FNTB: variants seen among roughly 807,000 people sequenced by gnomAD.
FNTB encodes the protein protein farnesyltransferase subunit beta.
A neutral mutation model predicts 59.4 loss-of-function variants in FNTB; 27 were observed. That is an observed-to-expected ratio of 0.45 (90% CI 0.34 to 0.63). The LOEUF is 0.63. FNTB is among the 20% of genes least tolerant of loss of function. The probability of loss-of-function intolerance (pLI) is 0.02; values close to 1 mark genes in which losing one functional copy is unlikely to be tolerated. For synonymous variants in FNTB, 230 were observed against 220.7 expected (o/e 1.04, Z -0.37); for missense variants, 449 against 559.6 (o/e 0.80, Z 1.99).
intron 1 of FNTB, among the ~76,000 whole-genome samples, chr14:64,993,441 T>A (rs1396120405): frequency 6.6e-6 from 1 of 152,238 alleles, no homozygotes; most frequent in Non-Finnish European, 1.5e-5. Context: ...GGGTATTGTG[T>A]CATCCCCAGC....
At position 65,001,145 on chromosome 14, in the gene FNTB, G is replaced by A. The variant is rs1188861913; in HGVS notation, c.145-3104G>A. ...TGCTCTGAGCTATTTTTCTTTTCTCGATTGCAGTTACATTGTACTAGGAGG... is the reference window on the plus strand; with the variant it reads ...TGCTCTGAGCTATTTTTCTTTTCTCAATTGCAGTTACATTGTACTAGGAGG... On this transcript the variant is annotated intron_variant, in intron 1 of 11. Transcript: ENST00000246166. This position sits in a 1 kb window ranked among gnomAD's most constrained non-coding sequence, Gnocchi z 5.5. 6.6e-6 allele frequency among the ~76,000 whole-genome samples: 1 copy of A among 151,998 alleles called. No homozygotes were observed. Among genetic ancestry groups the A allele is most frequent in the Admixed American group, 6.6e-5 (1 of 15,252 alleles).
chr14:65,000,384 G>A (rs867588279), intron 1 of FNTB, among the ~76,000 whole-genome samples: 12 of 152,138 alleles, frequency 7.9e-5, no homozygotes, highest in Non-Finnish European at 1.8e-4. Context: ...AATCTAAAAG[G>A]AAGAAGCTCA....
chr14:65,050,417 C>G (rs2062580009), intron 9 of FNTB, among the ~76,000 whole-genome samples: 1 of 152,088 alleles, frequency 6.6e-6, no homozygotes, highest in African/African-American at 2.4e-5. Flanking sequence ...ATAGTGAAAC[C>G]CTGTCTCTAC....
rs1566586645 is a variant in FNTB at position 65,062,172 on chromosome 14, T to G, written c.*860T>G. 6.6e-6 allele frequency: 1 copy of G among 152,462 alleles called. No homozygotes were observed. The highest frequency in any genetic ancestry group is 1.5e-5 in the Non-Finnish European group (1 of 68,210). 9.4% of individuals were successfully genotyped at this position (152,462 alleles called of 1,614,324 possible). On this transcript the variant is annotated 3_prime_UTR_variant, in exon 12 of 12. Transcript: ENST00000246166. This position sits in a 1 kb window ranked among gnomAD's most constrained non-coding sequence, Gnocchi z 4.3. Reference sequence around the variant, plus strand: ...CGAGGCCCTTCTGGGGGTTTCTATCTTTCTTCCACCAGACTCCAAGCCCAC... The same window carrying G: ...CGAGGCCCTTCTGGGGGTTTCTATCGTTCTTCCACCAGACTCCAAGCCCAC...
At chr14:65,013,953 C>T (rs1055819200) in intron 3 of FNTB, among the ~76,000 whole-genome samples, 4 of 152,188 alleles carry the variant, frequency 2.6e-5, no homozygotes, top group Non-Finnish European at 5.9e-5. Context: ...CTCAAAGGCA[C>T]ATAGCGAGTA....
chr14:64,996,609 C>T (rs1465505168), intron 1 of FNTB, among the ~76,000 whole-genome samples: 1 of 152,132 alleles, frequency 6.6e-6, no homozygotes, highest in East Asian at 1.9e-4. Context: ...ATGTTGTGGC[C>T]TGCCTATCTA....
chr14:65,041,127 G>T (rs1324636007), intron 8 of FNTB, among the ~76,000 whole-genome samples: 2 of 152,174 alleles, frequency 1.3e-5, no homozygotes, highest in African/African-American at 4.8e-5. Context: ...TTTACATAGT[G>T]TGTAGACTAC....
At position 65,021,794 on chromosome 14, in the gene FNTB, T is replaced by G. The variant is rs566365940; in HGVS notation, c.375-5659T>G. Among the ~76,000 whole-genome samples, 3 of 152,292 alleles carry G rather than the reference T, an allele frequency of 2.0e-5. No homozygotes were observed. In the East Asian group the frequency reaches 5.8e-4, roughly 29 times the overall value. On this transcript the variant is annotated intron_variant, in intron 4 of 11. Transcript: ENST00000246166. ...CCAAGCAGCTGGGACTACGGGCGCA[T>G]GCCACTATGCCTGGCTAATTTTTGT...
chr14:65,032,801 A>C lies in FNTB; in HGVS notation c.692+105A>C. On this transcript the variant is annotated intron_variant, in intron 7 of 11. Transcript: ENST00000246166. This position sits in a 1 kb window ranked among gnomAD's most constrained non-coding sequence, Gnocchi z 5.0. ...AGAGGGACTTGGAAGGAAATACAAA[A>C]ATCACAGGAGATCCATTAGGGTTAT... The C allele has an allele frequency of 9.2e-7, 1 of 1,088,222 alleles. No homozygotes were observed. The highest frequency in any genetic ancestry group is 1.3e-6 in the Non-Finnish European group (1 of 778,258). The allele number at this position is 1,088,222 out of a possible 1,614,324, so 67.4% of individuals were successfully genotyped here.
chr14:65,016,336 T>G (rs913550524), intron 4 of FNTB, among the ~76,000 whole-genome samples: 9 of 152,186 alleles, frequency 5.9e-5, no homozygotes, highest in Non-Finnish European at 1.3e-4. Context: ...CATCACCATT[T>G]ATATATTAAA....
intron 2 of FNTB, among the ~76,000 whole-genome samples, chr14:65,005,529 TTC>T (rs2061573545): frequency 7.1e-6 from 1 of 141,658 alleles, no homozygotes; most frequent in African/African-American, 2.6e-5. Flanking sequence ...CTCTTTCTCT[TTC>T]TCTTTCTTTC....
chr14:64,996,766 C>CTT (rs34327825), intron 1 of FNTB, among the ~76,000 whole-genome samples: 2,824 of 94,244 alleles, frequency 0.03, 60 homozygotes, highest in Non-Finnish European at 0.046. Flanking sequence ...TTGCTAACAT[C>CTT]TTTTTTTTTT....
At chr14:64,998,688 T>A (rs1888493953) in intron 1 of FNTB, among the ~76,000 whole-genome samples, 1 of 152,246 alleles carries the variant, frequency 6.6e-6, no homozygotes, top group Admixed American at 6.5e-5. Context: ...TTTGACAGTG[T>A]TCACAAATGT....
Position 64,987,277 on chromosome 14 carries a change from C to A in FNTB, c.144+180C>A, listed in dbSNP as rs145335579. ...CTTGGGCTTCGTCGTGGAGCGTTTG[C>A]GCGGCCAGCTTGGGGAAGGGTCGTT... On this transcript the variant is annotated intron_variant, in intron 1 of 11. Coordinates refer to ENST00000246166, the MANE Select transcript of FNTB (RefSeq NM_002028.4). 3,417 of 687,204 alleles carry A rather than the reference C, an allele frequency of 5.0e-3. 14 individuals carry two copies. Among genetic ancestry groups the A allele is most frequent in the Non-Finnish European group, 7.3e-3 (3,013 of 414,374 alleles). 42.6% of individuals were successfully genotyped at this position (687,204 alleles called of 1,614,324 possible). A position where few individuals can be genotyped will look rare whatever the true frequency, so the allele number is the denominator to read the frequency against.
Position 65,054,824 on chromosome 14 carries a change from T to C in FNTB, c.1182+135T>C. ...CTTGTGGTCCCTCTGCCCTTCGAGC[T>C]GTGCAGCCGTTAGTGAGGATGTGAC... On this transcript the variant is annotated intron_variant, in intron 11 of 11. Coordinates refer to ENST00000246166, the MANE Select transcript of FNTB (RefSeq NM_002028.4). The surrounding 1 kb of genome is among the most constrained non-coding windows in gnomAD (Gnocchi z 4.4). 2.1e-6 allele frequency: 2 copies of C among 972,846 alleles called. No individual in the cohort carries two copies. Among genetic ancestry groups the C allele is most frequent in the Non-Finnish European group, 3.0e-6 (2 of 661,112 alleles). 60.3% of individuals were successfully genotyped at this position (972,846 alleles called of 1,614,324 possible).
chr14:65,021,890 C>T, intron 4 of FNTB: 1 of 455,510 alleles, frequency 2.2e-6, no homozygotes, highest in South Asian at 1.5e-5. Flanking sequence ...AAGTGATCCG[C>T]CCACGTCGGC....
chr14:65,015,649 C>A lies in FNTB; in HGVS notation c.307C>A (p.Leu103Ile), dbSNP rs1224538583. The A allele has an allele frequency of 6.2e-7, 1 of 1,614,132 alleles. No individual in the cohort carries two copies. Among genetic ancestry groups the A allele is most frequent in the East Asian group, 2.2e-5 (1 of 44,872 alleles). Residue 103 changes from leucine (L) to isoleucine (I), a missense_variant, in exon 4 of 12, where the codon CTC becomes ATC. By Grantham distance (5) the Leu-to-Ile change is conservative (BLOSUM62 2). This residue lies in a region of FNTB where 337 missense variants were observed against 479.1 expected (regional missense o/e 0.70). Coordinates refer to ENST00000246166, the MANE Select transcript of FNTB (RefSeq NM_002028.4). Reference sequence around the variant, plus strand: ...GTGTCTGGATGCCAGCCGCCCATGGCTCTGCTATTGGATCCTGCACAGCTT... The same window carrying A: ...GTGTCTGGATGCCAGCCGCCCATGGATCTGCTATTGGATCCTGCACAGCTT... ...YECLDASRPW[L>I]CYWILHSLEL...
chr14:65,004,862 C>T (rs1386359281), intron 2 of FNTB, among the ~76,000 whole-genome samples: 4 of 152,024 alleles, frequency 2.6e-5, no homozygotes, highest in Non-Finnish European at 5.9e-5. Flanking sequence ...AGGGTTTCAC[C>T]GTGTTGGCCA....
rs764555353 is a variant in FNTB, at chr14:65,044,360, G to A, written c.872G>A (p.Arg291His). The change falls in exon 9 of 12, where the codon CGC becomes CAC. Residue 291 changes from arginine to histidine, a missense_variant. Transcript: ENST00000246166. This position sits in a 1 kb window ranked among gnomAD's most constrained non-coding sequence, Gnocchi z 5.5. ...QMRFEGGFQG[R>H]CNKLVDGCYS... Reference sequence around the variant, plus strand: ...CGATTTGAAGGAGGATTTCAGGGCCGCTGCAACAAGCTGGTGGATGGCTGC... The same window carrying A: ...CGATTTGAAGGAGGATTTCAGGGCCACTGCAACAAGCTGGTGGATGGCTGC... The A allele has an allele frequency of 3.7e-6, 6 of 1,613,396 alleles. No homozygotes were observed. Among genetic ancestry groups the A allele is most frequent in the Non-Finnish European group, 4.2e-6 (5 of 1,179,736 alleles).
Sources: allele counts gnomAD v4.1 joint callset (sites outside exome capture counted in the v4.1 genomes callset), GRCh38; gene constraint gnomAD v4.1.1; regional missense constraint gnomAD v4.1.1; non-coding constraint Gnocchi (gnomAD v3.1); transcripts MANE v1.5; gene names NCBI Gene and HGNC (gene_info 2026-07-23, HGNC 2026-07-21).